The following PAX5 variants were observed in gnomAD, a reference collection of about 807,000 sequenced individuals.
PAX5 encodes the protein paired box 5, also known as paired box protein Pax-5.
PAX5 carries 9 observed loss-of-function variants against 43.7 expected under a neutral mutation model. The ratio of observed to expected loss-of-function variants is 0.21; its 90% CI spans 0.12 to 0.36. PAX5 has a LOEUF of 0.36. Among genes scored for constraint, PAX5 ranks in the 10% least tolerant of loss-of-function variants. PAX5 has a pLI of 1.00. For missense variants in PAX5, 383 were observed against 532.7 expected, an observed-to-expected ratio of 0.72 and a Z score of 2.77; for synonymous variants, 228 against 214.3, an observed-to-expected ratio of 1.06 and a Z score of -0.56.
chr9:36,880,337 T>G (rs1254053204), intron 8 of PAX5, among the ~76,000 whole-genome samples: 1 of 152,242 alleles, frequency 6.6e-6, no homozygotes, highest in Non-Finnish European at 1.5e-5. Context: ...GGCCCAGGGA[T>G]GCACACACCA....
chr9:36,878,680 T>C (rs1419174928), intron 8 of PAX5, among the ~76,000 whole-genome samples: 1 of 152,168 alleles, frequency 6.6e-6, no homozygotes, highest in Non-Finnish European at 1.5e-5. Context: ...GCCCCTGCTC[T>C]GCCAAAAGGT....
intron 7 of PAX5, among the ~76,000 whole-genome samples, chr9:36,909,814 A>AT (rs752114508): frequency 0.029 from 2,695 of 91,728 alleles, 129 homozygotes; most frequent in African/African-American, 0.096. Context: ...AGACATTTTA[A>AT]TTTTTTTTTT....
intron 7 of PAX5, among the ~76,000 whole-genome samples, chr9:36,897,850 T>A (rs1828003323): frequency 6.6e-6 from 1 of 152,204 alleles, no homozygotes; most frequent in South Asian, 2.1e-4. Flanking sequence ...AATGCCAGCA[T>A]CTTCTTGGGC....
chr9:36,953,462 C>T (rs894582953), intron 6 of PAX5, among the ~76,000 whole-genome samples: 2 of 152,106 alleles, frequency 1.3e-5, no homozygotes, highest in Admixed American at 6.5e-5. Context: ...TATAAATATG[C>T]TATGCCTCTT....
intron 6 of PAX5, among the ~76,000 whole-genome samples, chr9:36,955,132 CT>C (rs1460438879): frequency 1.3e-5 from 2 of 151,948 alleles, no homozygotes; most frequent in African/African-American, 4.8e-5. Flanking sequence ...GGTTTCTAGT[CT>C]TTTTCATCTC....
intron 5 of PAX5, among the ~76,000 whole-genome samples, chr9:36,966,991 A>G (rs904858109): frequency 3.9e-5 from 6 of 152,140 alleles, no homozygotes; most frequent in African/African-American, 1.4e-4. Flanking sequence ...GATGACCCTC[A>G]AGGTAGGTTA....
chr9:36,903,125 G>A (rs1828543702), intron 7 of PAX5, among the ~76,000 whole-genome samples: 1 of 152,198 alleles, frequency 6.6e-6, no homozygotes, highest in Admixed American at 6.5e-5. Flanking sequence ...TGAAGAACTG[G>A]GGACTTCACG....
At chr9:36,953,071 CTT>C (rs1351817357) in intron 6 of PAX5, among the ~76,000 whole-genome samples, 2 of 152,112 alleles carry the variant, frequency 1.3e-5, no homozygotes, top group Non-Finnish European at 2.9e-5. Context: ...CTGGGAAAGT[CTT>C]TATTTTTTCC....
intron 5 of PAX5, among the ~76,000 whole-genome samples, chr9:36,996,835 T>G (rs1837434804): frequency 6.7e-6 from 1 of 150,244 alleles, no homozygotes. Flanking sequence ...GAGAGAGAGA[T>G]AGCAAGAGAG....
At chr9:36,845,337 C>T (rs1330014061) in intron 9 of PAX5, among the ~76,000 whole-genome samples, 1 of 152,222 alleles carries the variant, frequency 6.6e-6, no homozygotes, top group Non-Finnish European at 1.5e-5. Context: ...AGCCCACAGC[C>T]AGCCCATGCC....
At position 36,846,203 on chromosome 9, in the gene PAX5, C is replaced by A. The variant is rs180847693; in HGVS notation, c.1099+640G>T. 2.0e-5 allele frequency among the ~76,000 whole-genome samples: 3 copies of A among 152,222 alleles called. No homozygotes were observed. In the South Asian group the frequency reaches 6.2e-4, roughly 32 times the overall value. ...CTGAGTTAGACTTGCATGGTCTTTG[C>A]GGTGGCCCAAATCTTGATGATGTTC... On this transcript the variant is annotated intron_variant, in intron 9 of 9. Transcript: ENST00000358127.
chr9:37,005,764 C>T (rs1838333253), intron 4 of PAX5, among the ~76,000 whole-genome samples: 1 of 152,242 alleles, frequency 6.6e-6, no homozygotes, highest in Non-Finnish European at 1.5e-5. Context: ...TAACTTTTCC[C>T]CCAGCTAACC....
At chr9:36,884,127 T>C (rs976277687) in intron 7 of PAX5, among the ~76,000 whole-genome samples, 1 of 152,194 alleles carries the variant, frequency 6.6e-6, no homozygotes, top group Admixed American at 6.5e-5. Flanking sequence ...TATATAAAAC[T>C]AAGGAAATCT....
intron 5 of PAX5, among the ~76,000 whole-genome samples, chr9:36,998,763 C>A (rs907368303): frequency 6.6e-6 from 1 of 152,126 alleles, no homozygotes; most frequent in Non-Finnish European, 1.5e-5. Context: ...CGTTTCGCAT[C>A]CAAATTGAGA....
intron 7 of PAX5, among the ~76,000 whole-genome samples, chr9:36,892,456 G>T (rs1244170271): frequency 6.6e-6 from 1 of 152,136 alleles, no homozygotes; most frequent in Non-Finnish European, 1.5e-5. Context: ...TTTAAGTACC[G>T]CAGCCACTCC....
chr9:36,963,625 T>C (rs1393135600), intron 6 of PAX5, among the ~76,000 whole-genome samples: 1 of 152,060 alleles, frequency 6.6e-6, no homozygotes, highest in Non-Finnish European at 1.5e-5. Flanking sequence ...GGTGAGTGAG[T>C]GAATCCATGG....
rs193285398 is a variant in PAX5 at position 36,910,867 on chromosome 9, T to C, written c.910+12488A>G. Among the ~76,000 whole-genome samples the C allele has an allele frequency of 9.9e-4, 151 of 152,342 alleles. 1 individual carries two copies. The highest frequency in any genetic ancestry group is 1.8e-4 in the Non-Finnish European group (12 of 68,032). ...CCAAGAGCCCTCGAAGCCTGATTTA[T>C]GGGCTGAGCCTGGCTGGCAGCAGAG... On this transcript the variant is annotated intron_variant, in intron 7 of 9. Coordinates refer to ENST00000358127, the MANE Select transcript of PAX5 (RefSeq NM_016734.3).
intron 7 of PAX5, among the ~76,000 whole-genome samples, chr9:36,903,676 A>G (rs1828585066): frequency 1.3e-5 from 2 of 152,212 alleles, no homozygotes; most frequent in African/African-American, 4.8e-5. Flanking sequence ...ACCTTCACCC[A>G]GGACCTGCTA....
intron 5 of PAX5, among the ~76,000 whole-genome samples, chr9:36,997,878 G>A (rs1837522762): frequency 6.6e-6 from 1 of 152,220 alleles, no homozygotes; most frequent in Non-Finnish European, 1.5e-5. Context: ...GCAGCAGAAG[G>A]GAAAGACAAG....
Sources: allele counts gnomAD v4.1 joint callset (sites outside exome capture counted in the v4.1 genomes callset), GRCh38; gene constraint gnomAD v4.1.1; transcripts MANE v1.5; gene names NCBI Gene and HGNC (gene_info 2026-07-23, HGNC 2026-07-21).